Variants in PHKA1 observed in about 807,000 individuals in gnomAD.
The protein encoded by PHKA1 is phosphorylase b kinase regulatory subunit alpha, skeletal muscle isoform.
PHKA1 carries 60 observed loss-of-function variants against 110.2 expected under a neutral mutation model. The observed-to-expected ratio is 0.54, with a 90% CI of 0.44 to 0.68. The LOEUF is 0.68. Ranked by LOEUF, PHKA1 falls within the 30% of genes least tolerant of loss-of-function variation. The pLI, the probability that PHKA1 is intolerant of heterozygous loss-of-function variation, is 0.00. For missense variants in PHKA1, 801 were observed against 942.5 expected (o/e 0.85, Z 1.97); for synonymous variants, 316 against 333.6 (o/e 0.95, Z 0.58).
At chrX:72,623,048 G>A in intron 18 of PHKA1, 61 bp downstream of exon 18, 1 of 1,203,379 alleles carries the variant, frequency 8.3e-7, no homozygotes, top group Non-Finnish European at 1.1e-6. Flanking sequence ...ATTAAGGATG[G>A]TGCTAAACAA....
intron 16 of PHKA1, among the ~76,000 whole-genome samples, chrX:72,630,052 A>G (rs1055825920): frequency 1.8e-5 from 2 of 111,881 alleles, no homozygotes; most frequent in Non-Finnish European, 3.8e-5. Flanking sequence ...GTTCGGGACC[A>G]GCCTGGCCAA....
At chrX:72,657,669 A>C in intron 8 of PHKA1, 28 bp from the exon 9 acceptor site, 4 of 1,149,507 alleles carry the variant, frequency 3.5e-6, no homozygotes, top group Non-Finnish European at 4.8e-6. Flanking sequence ...AAAGGTCAGC[A>C]GCTTGTACAC....
rs1342672738 is a variant in PHKA1, at chrX:72,617,728, A to AAGGG, written c.2369+981_2369+982insCCCT. 2.7e-5 allele frequency among the ~76,000 whole-genome samples: 3 copies of AAGGG among 110,986 alleles called. No homozygotes were observed. In the East Asian group the frequency reaches 8.4e-4, roughly 31 times the overall value. On this transcript the variant is annotated intron_variant, in intron 21 of 31. Coordinates refer to ENST00000373542, the MANE Select transcript of PHKA1 (RefSeq NM_002637.4). ...ACAAAGGAGATTGAATCAGTAATAA[A>AAGGG]AAGTCTCCCATCAAAGGGAAGCCCA... is the stretch of plus-strand genomic sequence containing the variant.
Position 72,619,432 on chromosome X carries a change from C to T in PHKA1, c.2138-127G>A. ...ATAGAACAAGAATGACAAATTTCTC[C>T]TTTCTTGGTAATATCAAAGAAAATA... On this transcript the variant is annotated intron_variant, in intron 19 of 31. Coordinates refer to ENST00000373542, the MANE Select transcript of PHKA1 (RefSeq NM_002637.4). 6.4e-6 allele frequency: 3 copies of T among 469,112 alleles called. No individual in the cohort carries two copies. The South Asian group carries it at 9.6e-5, about 15-fold the overall frequency. 38.7% of individuals were successfully genotyped at this position (469,112 alleles called of 1,213,427 possible). A position where few individuals can be genotyped will look rare whatever the true frequency, so the allele number is the denominator to read the frequency against.
At position 72,609,642 on chromosome X, in the gene PHKA1, C is replaced by A; in HGVS notation, c.2588G>T (p.Arg863Leu). 1 of 1,204,962 alleles carries A rather than the reference C, an allele frequency of 8.3e-7. No homozygotes were observed. Among genetic ancestry groups the A allele is most frequent in the Non-Finnish European group, 1.1e-6 (1 of 889,418 alleles). The part of the protein sequence containing the change: ...HLTVGLPPEP[R>L]EKTISAPLPY... The stretch of plus-strand genomic sequence containing the variant: ...TACTCACGCAGAGATAGTCTTTTCT[C>A]GAGGTTCTGGAGGAAGTCCTACTGT... Residue 863 changes from arginine (R) to leucine (L), a missense_variant, in exon 23 of 32, where the codon CGA becomes CTA. Transcript: ENST00000373542.
intron 16 of PHKA1, among the ~76,000 whole-genome samples, chrX:72,631,947 T>G (rs1195541900): frequency 8.9e-6 from 1 of 112,329 alleles, no homozygotes; most frequent in Admixed American, 9.4e-5. Flanking sequence ...GTATCATTTT[T>G]CATTTCTAAG....
intron 16 of PHKA1, among the ~76,000 whole-genome samples, chrX:72,633,284 G>A (rs1046802312): frequency 4.5e-5 from 5 of 110,805 alleles, no homozygotes; most frequent in Non-Finnish European, 9.4e-5. Flanking sequence ...GGATGGGATC[G>A]GGGCCCTTAT....
chrX:72,634,498 C>T (rs2053205249), intron 16 of PHKA1, among the ~76,000 whole-genome samples: 1 of 108,548 alleles, frequency 9.2e-6, no homozygotes, highest in South Asian at 4.1e-4. Context: ...GGCTCTAGTC[C>T]TCCAGGAACT....
chrX:72,681,441 A>C (rs1252948881), intron 5 of PHKA1, among the ~76,000 whole-genome samples: 1 of 80,381 alleles, frequency 1.2e-5, no homozygotes, highest in East Asian at 7.1e-4. Flanking sequence ...TCCGGGAGGG[A>C]GGTGGGGGGG....
intron 5 of PHKA1, among the ~76,000 whole-genome samples, chrX:72,680,682 C>T (rs1282762406): frequency 1.1e-4 from 12 of 106,487 alleles, no homozygotes; most frequent in African/African-American, 3.9e-4. Context: ...AGGACAGTCG[C>T]GGCGCTGACG....
chrX:72,625,290 T>C (rs1012756334), intron 17 of PHKA1, among the ~76,000 whole-genome samples: 2 of 111,570 alleles, frequency 1.8e-5, no homozygotes, highest in Non-Finnish European at 3.8e-5. Flanking sequence ...GTGTCTATTG[T>C]TTCCTTTTTT....
chrX:72,584,192 G>A (rs781963947), intron 30 of PHKA1, 57 bp downstream of exon 30: 8 of 922,763 alleles, frequency 8.7e-6, no homozygotes, highest in African/African-American at 1.9e-5. Flanking sequence ...TGATCACTGG[G>A]ATACTTTAGC....
intron 5 of PHKA1, among the ~76,000 whole-genome samples, chrX:72,681,359 C>T (rs1376809198): frequency 2.7e-5 from 3 of 113,083 alleles, no homozygotes; most frequent in Non-Finnish European, 5.7e-5. Flanking sequence ...TGAGGAGCCT[C>T]TCCGCCCGGC....
chrX:72,606,916 C>G (rs1345921917), intron 23 of PHKA1, among the ~76,000 whole-genome samples: 1 of 111,516 alleles, frequency 9.0e-6, no homozygotes, highest in African/African-American at 3.3e-5. Context: ...TACTTTCTAT[C>G]TCCATGAGTT....
chrX:72,603,142 T>A lies in PHKA1; in HGVS notation c.2894A>T (p.Lys965Met). 4.2e-6 allele frequency: 5 copies of A among 1,202,909 alleles called. No homozygotes were observed. Among genetic ancestry groups the A allele is most frequent in the Non-Finnish European group, 5.6e-6 (5 of 887,632 alleles). Reference protein sequence around the residue: ...KNLLHHILSGKEFGVERSVRP... With the variant: ...KNLLHHILSGMEFGVERSVRP... ...ACCGCTTCGTTCCACTCCAAACTCC[T>A]TGCCGCTGAGAATGTGATGCAGGAG... Residue 965 changes from lysine to methionine, a missense_variant, in exon 26 of 32, where the codon AAG (lysine) becomes ATG (methionine). Coordinates refer to ENST00000373542, the MANE Select transcript of PHKA1 (RefSeq NM_002637.4).
chrX:72,681,415 C>T (rs1226209150), intron 5 of PHKA1, among the ~76,000 whole-genome samples: 2 of 112,760 alleles, frequency 1.8e-5, no homozygotes, highest in African/African-American at 3.2e-5. Flanking sequence ...AGCCCCCCGC[C>T]CGGCCAGCCG....
intron 4 of PHKA1, among the ~76,000 whole-genome samples, chrX:72,686,302 C>T (rs977402439): frequency 1.8e-5 from 2 of 112,295 alleles, no homozygotes; most frequent in Non-Finnish European, 3.8e-5. Flanking sequence ...ACCTTCACCA[C>T]TGCCAAATCT....
chrX:72,654,708 G>T (rs1385146424), intron 10 of PHKA1, among the ~76,000 whole-genome samples: 1 of 110,233 alleles, frequency 9.1e-6, no homozygotes, highest in Non-Finnish European at 1.9e-5. Flanking sequence ...CTATCATTTT[G>T]TATGTGTTAC....
chrX:72,656,291 A>C (rs782177106), intron 9 of PHKA1, 49 bp from the exon 10 acceptor site: 3 of 1,159,159 alleles, frequency 2.6e-6, no homozygotes, highest in Middle Eastern at 2.4e-4. Context: ...TTAGATGTAT[A>C]TCTTTAGCTC....
Sources: allele counts gnomAD v4.1 joint callset (sites outside exome capture counted in the v4.1 genomes callset), GRCh38; gene constraint gnomAD v4.1.1; transcripts MANE v1.5; gene names NCBI Gene and HGNC (gene_info 2026-07-23, HGNC 2026-07-21).